Variants in NRXN1 observed in about 807,000 individuals in gnomAD.
NRXN1 encodes the protein neurexin 1.
NRXN1 carries 39 observed loss-of-function variants against 150.9 expected under a neutral mutation model. The observed-to-expected ratio is 0.26, with a 90% CI of 0.20 to 0.34. The LOEUF (loss-of-function observed/expected upper bound fraction) is 0.34, where lower values mean the gene tolerates loss of function less well. Ranked by LOEUF, NRXN1 falls within the 10% of genes least tolerant of loss-of-function variation. NRXN1 has a pLI of 1.00. For synonymous variants in NRXN1, 924 were observed against 757.0 expected, an observed-to-expected ratio of 1.22 and a Z score of -3.62; for missense variants, 1,815 against 1,949.9, an observed-to-expected ratio of 0.93 and a Z score of 1.30.
At chr2:50,029,649 C>T (rs1688893315) in intron 21 of NRXN1, among the ~76,000 whole-genome samples, 1 of 152,130 alleles carries the variant, frequency 6.6e-6, no homozygotes, top group Admixed American at 6.6e-5. Flanking sequence ...ACCTACTTTA[C>T]TGGCATCTTG....
At chr2:50,543,299 G>C (rs2093427793) in intron 9 of NRXN1, among the ~76,000 whole-genome samples, 1 of 151,992 alleles carries the variant, frequency 6.6e-6, no homozygotes, top group Admixed American at 6.6e-5. Context: ...GTTACATTAA[G>C]GCTCCTAAAA....
intron 7 of NRXN1, chr2:50,620,952 T>C: frequency 5.0e-6 from 2 of 398,144 alleles, no homozygotes; most frequent in Non-Finnish European, 4.5e-6. Flanking sequence ...CATTTTGTCT[T>C]ATCCCGTGTT....
At chr2:50,159,026 A>G (rs993904176) in intron 18 of NRXN1, among the ~76,000 whole-genome samples, 1 of 152,110 alleles carries the variant, frequency 6.6e-6, no homozygotes, top group Non-Finnish European at 1.5e-5. Flanking sequence ...ACAGTTGCCA[A>G]TGATGATCAG....
At chr2:50,593,369 A>T (rs1228659630) in intron 8 of NRXN1, among the ~76,000 whole-genome samples, 1 of 152,208 alleles carries the variant, frequency 6.6e-6, no homozygotes, top group Non-Finnish European at 1.5e-5. Context: ...AACTAGTATG[A>T]TATACTTAAA....
chr2:50,460,760 C>G (rs1295341848), intron 17 of NRXN1, among the ~76,000 whole-genome samples: 1 of 151,958 alleles, frequency 6.6e-6, no homozygotes, highest in Non-Finnish European at 1.5e-5. Flanking sequence ...AGGTCTGACC[C>G]TGTTTCCCCA....
At chr2:50,961,510 C>A (rs76359844) in intron 2 of NRXN1, among the ~76,000 whole-genome samples, 2,750 of 151,614 alleles carry the variant, frequency 0.018, 36 homozygotes, top group Non-Finnish European at 0.028. Flanking sequence ...ACAACAACAA[C>A]AAAAAACCCA....
intron 8 of NRXN1, among the ~76,000 whole-genome samples, chr2:50,574,299 A>G (rs964811194): frequency 6.6e-6 from 1 of 152,160 alleles, no homozygotes; most frequent in Non-Finnish European, 1.5e-5. Flanking sequence ...CAAATGATTT[A>G]AGAGGATGTC....
intron 5 of NRXN1, among the ~76,000 whole-genome samples, chr2:50,623,849 A>G (rs1192017591): frequency 2.0e-5 from 3 of 151,988 alleles, no homozygotes; most frequent in Non-Finnish European, 4.4e-5. Flanking sequence ...GGTTTGTTAC[A>G]TATGTATACA....
chr2:50,666,863 GA>G (rs1688099316), intron 5 of NRXN1, among the ~76,000 whole-genome samples: 2 of 90,746 alleles, frequency 2.2e-5, no homozygotes, highest in Non-Finnish European at 2.3e-5. Context: ...TGATGATGAT[GA>G]TGATGATGAT....
intron 12 of NRXN1, among the ~76,000 whole-genome samples, chr2:50,517,355 A>G (rs1276882719): frequency 2.6e-5 from 4 of 152,086 alleles, no homozygotes; most frequent in Admixed American, 2.6e-4. Context: ...TGCCTTGAAC[A>G]TAACGGCAAT....
At chr2:50,585,098 A>T (rs901072699) in intron 8 of NRXN1, among the ~76,000 whole-genome samples, 2 of 152,174 alleles carry the variant, frequency 1.3e-5, no homozygotes, top group African/African-American at 4.8e-5. Context: ...TCTGATTTGA[A>T]AAATAATGTA....
At chr2:50,290,024 G>A (rs975120898) in intron 17 of NRXN1, among the ~76,000 whole-genome samples, 3 of 152,098 alleles carry the variant, frequency 2.0e-5, no homozygotes. Context: ...ATCCAATTAA[G>A]CAAGACAGTA....
At position 50,846,423 on chromosome 2, in the gene NRXN1, CT is replaced by C. The variant is rs748583072; in HGVS notation, c.832+75445del. On this transcript the variant is annotated intron_variant, in intron 5 of 22. Transcript: ENST00000401669. ...ACAACCTCTGGGTCGGCAAGCAAGA[CT>C]TTTTTTTTTTCTTGCTTTTAAGATG... Among the ~76,000 whole-genome samples, 518 of 147,568 alleles carry C rather than the reference CT, an allele frequency of 3.5e-3. 3 individuals carry two copies. The highest frequency in any genetic ancestry group is 0.019 in the East Asian group (97 of 5,074).
At chr2:50,641,791 G>A (rs1019958720) in intron 5 of NRXN1, among the ~76,000 whole-genome samples, 1 of 152,080 alleles carries the variant, frequency 6.6e-6, no homozygotes, top group South Asian at 2.1e-4. Context: ...TGAATATTCA[G>A]TTATTCAGCA....
chr2:50,691,719 C>T (rs912371163), intron 5 of NRXN1, among the ~76,000 whole-genome samples: 1 of 152,068 alleles, frequency 6.6e-6, no homozygotes, highest in Non-Finnish European at 1.5e-5. Flanking sequence ...CTTGCCCTCG[C>T]CACATATCAC....
At chr2:50,198,695 A>T (rs1003086666) in intron 18 of NRXN1, among the ~76,000 whole-genome samples, 2 of 152,102 alleles carry the variant, frequency 1.3e-5, no homozygotes, top group African/African-American at 4.8e-5. Context: ...GATGTCATTA[A>T]AGTGCAGGGA....
chr2:50,193,441 T>C (rs942428432), intron 18 of NRXN1, among the ~76,000 whole-genome samples: 4 of 152,182 alleles, frequency 2.6e-5, no homozygotes, highest in Non-Finnish European at 5.9e-5. Context: ...TATAATTTAT[T>C]CCTGCTTCTT....
chr2:50,940,800 A>G (rs1283879318), intron 2 of NRXN1, among the ~76,000 whole-genome samples: 1 of 152,150 alleles, frequency 6.6e-6, no homozygotes, highest in African/African-American at 2.4e-5. Flanking sequence ...AAAATAATCA[A>G]AAGTAGCCAA....
chr2:50,462,785 C>G (rs2088369930), intron 17 of NRXN1, among the ~76,000 whole-genome samples: 1 of 151,806 alleles, frequency 6.6e-6, no homozygotes, highest in South Asian at 2.1e-4. Context: ...ATTACATTTA[C>G]AAGCTACAAA....
Sources: allele counts gnomAD v4.1 joint callset (sites outside exome capture counted in the v4.1 genomes callset), GRCh38; gene constraint gnomAD v4.1.1; transcripts MANE v1.5; gene names NCBI Gene and HGNC (gene_info 2026-07-23, HGNC 2026-07-21).